Variants in SEM1 observed in about 807,000 individuals in gnomAD.
SEM1 encodes SEM1 26S proteasome subunit.
SEM1 carries 3 observed loss-of-function variants against 12.7 expected under a neutral mutation model. That is an observed-to-expected ratio of 0.24 (90% confidence interval 0.11 to 0.61). The LOEUF (loss-of-function observed/expected upper bound fraction) is 0.61, where lower values mean the gene tolerates loss of function less well. Ranked by LOEUF, SEM1 falls within the 20% of genes least tolerant of loss-of-function variation. SEM1 has a pLI of 0.88. For synonymous variants in SEM1, 30 were observed against 27.8 expected, an observed-to-expected ratio of 1.08 and a Z score of -0.25; for missense variants, 59 against 81.3, an observed-to-expected ratio of 0.73 and a Z score of 1.06.
exon 4 of SEM1, chr7:96,483,893 A>T (rs1386108538): frequency 6.5e-7 from 1 of 1,536,746 alleles, no homozygotes; most frequent in Non-Finnish European, 8.7e-7. Context: ...CAGATTGTAG[A>T]GGTCACCCGA....
chr7:96,545,157 G>A lies in SEM1; in HGVS notation c.171-38459C>T, dbSNP rs549675958. On this transcript the variant is annotated intron_variant and NMD_transcript_variant, in intron 2 of 3. Coordinates refer to the SEM1 transcript ENST00000466986. ...CCCTTTTTAGGTTCTTCCACTCATG[G>A]TATTTGGGGCTTTTGTTATGATCCC... Among the ~76,000 whole-genome samples the A allele has an allele frequency of 2.4e-4, 36 of 152,056 alleles. No homozygotes were observed. The South Asian group carries it at 7.5e-3, about 32-fold the overall frequency.
chr7:96,656,111 G>A (rs1809171813), intron 2 of SEM1, among the ~76,000 whole-genome samples: 1 of 152,174 alleles, frequency 6.6e-6, no homozygotes, highest in Non-Finnish European at 1.5e-5. Flanking sequence ...CCCTGGGCAG[G>A]AGGAATGTAA....
intron 2 of SEM1, among the ~76,000 whole-genome samples, chr7:96,552,731 GTATT>G (rs548686287): frequency 6.6e-6 from 1 of 152,140 alleles, no homozygotes; most frequent in African/African-American, 2.4e-5. Flanking sequence ...GGGTCAAATG[GTATT>G]TATTTCCAGT....
chr7:96,572,196 C>A (rs1474870255), intron 2 of SEM1, among the ~76,000 whole-genome samples: 8 of 152,000 alleles, frequency 5.3e-5, no homozygotes, highest in Admixed American at 5.3e-4. Flanking sequence ...GTCTGGCTAA[C>A]CATCTATCTG....
chr7:96,502,718 T>C (rs1362145686), intron 3 of SEM1, among the ~76,000 whole-genome samples: 1 of 152,208 alleles, frequency 6.6e-6, no homozygotes, highest in Non-Finnish European at 1.5e-5. Flanking sequence ...AAAATTTCTC[T>C]AGCCAACGAT....
downstream of SEM1, among the ~76,000 whole-genome samples, chr7:96,686,863 G>T (rs951250487): frequency 4.6e-4 from 70 of 152,232 alleles, no homozygotes; most frequent in Middle Eastern, 3.4e-3. Flanking sequence ...CCTACAGAAT[G>T]GGAGAAAATT....
chr7:96,701,960 G>C (rs1790286175), intron 1 of SEM1, among the ~76,000 whole-genome samples: 1 of 152,090 alleles, frequency 6.6e-6, no homozygotes, highest in Non-Finnish European at 1.5e-5. Flanking sequence ...AGCATGGTGT[G>C]GCTGGTGTGT....
chr7:96,607,242 G>T (rs1807408088), intron 2 of SEM1, among the ~76,000 whole-genome samples: 1 of 152,126 alleles, frequency 6.6e-6, no homozygotes, highest in Non-Finnish European at 1.5e-5. Flanking sequence ...TAAACAAATA[G>T]ATGTTGAATA....
chr7:96,509,472 T>C (rs1212113676), intron 2 of SEM1, among the ~76,000 whole-genome samples: 1 of 152,154 alleles, frequency 6.6e-6, no homozygotes, highest in Non-Finnish European at 1.5e-5. Context: ...TCAGCATCAA[T>C]GTGGATTTTG....
At chr7:96,586,680 C>A (rs1345587459) in intron 2 of SEM1, among the ~76,000 whole-genome samples, 1 of 152,184 alleles carries the variant, frequency 6.6e-6, no homozygotes, top group Non-Finnish European at 1.5e-5. Flanking sequence ...AGATTTGAGG[C>A]TGGATTCTTT....
At chr7:96,620,031 T>G (rs936220764), downstream of SEM1, among the ~76,000 whole-genome samples, 4 of 152,074 alleles carry the variant, frequency 2.6e-5, no homozygotes, top group Non-Finnish European at 2.9e-5. Context: ...TGCCACTCAT[T>G]CCAGAACAGT....
chr7:96,533,730 A>C (rs142128045), intron 2 of SEM1, among the ~76,000 whole-genome samples: 143 of 152,170 alleles, frequency 9.4e-4, no homozygotes, highest in African/African-American at 3.1e-3. Context: ...CATGGGTTCA[A>C]AAGTATTTTC....
At chr7:96,691,015 C>A (rs1789915587) in intron 2 of SEM1, among the ~76,000 whole-genome samples, 1 of 152,188 alleles carries the variant, frequency 6.6e-6, no homozygotes, top group Non-Finnish European at 1.5e-5. Flanking sequence ...TCGTGATCCA[C>A]CGGCCTCGGC....
At chr7:96,694,993 C>T in intron 1 of SEM1, 102 bp from the exon 2 acceptor site, 1 of 732,786 alleles carries the variant, frequency 1.4e-6, no homozygotes, top group Non-Finnish European at 2.3e-6. Flanking sequence ...AATTCAAAAA[C>T]AGCTAAAACC....
chr7:96,492,254 G>A (rs901430456), intron 1 of SEM1, among the ~76,000 whole-genome samples: 1 of 152,040 alleles, frequency 6.6e-6, no homozygotes, highest in African/African-American at 2.4e-5. Context: ...TTCAACCCCT[G>A]ATAAACTCCA....
chr7:96,609,054 C>T (rs1807467236), intron 2 of SEM1, among the ~76,000 whole-genome samples: 1 of 152,156 alleles, frequency 6.6e-6, no homozygotes, highest in Non-Finnish European at 1.5e-5. Flanking sequence ...TTTGTCATTC[C>T]TATAAGCAAT....
exon 4 of SEM1, chr7:96,482,466 A>G (rs1802579657): frequency 6.6e-6 from 1 of 152,202 alleles, no homozygotes; most frequent in South Asian, 2.1e-4. Context: ...TACTGCTAAC[A>G]TTTTGGAATA....
intron 1 of SEM1, among the ~76,000 whole-genome samples, chr7:96,490,338 A>G (rs1037092512): frequency 6.6e-6 from 1 of 152,220 alleles, no homozygotes; most frequent in East Asian, 1.9e-4. Context: ...TTCTTTGTAG[A>G]AAGACTTGTA....
intron 1 of SEM1, among the ~76,000 whole-genome samples, chr7:96,487,388 GT>G (rs1474941454): frequency 1.3e-5 from 2 of 149,994 alleles, no homozygotes; most frequent in African/African-American, 5.1e-5. Context: ...GTTTTGATCA[GT>G]ATGGACTTTT....
Sources: allele counts gnomAD v4.1 joint callset (sites outside exome capture counted in the v4.1 genomes callset), GRCh38; gene constraint gnomAD v4.1.1; transcripts MANE v1.5; gene names NCBI Gene and HGNC (gene_info 2026-07-23, HGNC 2026-07-21).